Variants in COL28A1 observed in about 807,000 individuals in gnomAD.
COL28A1 encodes the protein collagen alpha-1(XXVIII) chain.
Under a neutral mutation model 150.2 loss-of-function variants are expected in COL28A1, and 161 were observed. The ratio of observed to expected loss-of-function variants is 1.07; its 90% CI spans 0.94 to 1.22. The LOEUF (loss-of-function observed/expected upper bound fraction) is 1.22. Among genes scored for constraint, COL28A1 ranks in the 50% most tolerant of loss-of-function variants. The pLI is 0.00. For synonymous variants in COL28A1, 552 were observed against 469.7 expected (o/e 1.18, Z -2.26); for missense variants, 1,617 against 1,388.3 (o/e 1.16, Z -2.62).
chr7:7,365,002 C>T (rs1780860325), intron 33 of COL28A1, among the ~76,000 whole-genome samples: 4 of 151,838 alleles, frequency 2.6e-5, no homozygotes, highest in Admixed American at 2.6e-4. Flanking sequence ...ACTTTAACGT[C>T]ATCATTTTTC....
intron 27 of COL28A1, among the ~76,000 whole-genome samples, chr7:7,409,254 A>T (rs1783654080): frequency 6.6e-6 from 1 of 152,174 alleles, no homozygotes. Flanking sequence ...AATTTTCAAC[A>T]ATGAAATTCA....
chr7:7,443,731 T>C (rs1785999721), intron 19 of COL28A1, 78 bp from the exon 20 acceptor site: 1 of 1,576,532 alleles, frequency 6.3e-7, no homozygotes, highest in Non-Finnish European at 8.6e-7. Context: ...TGTCTCCTTT[T>C]ATCATTAGTG....
chr7:7,480,286 C>A (rs1002624065), intron 13 of COL28A1, among the ~76,000 whole-genome samples: 1 of 152,118 alleles, frequency 6.6e-6, no homozygotes, highest in South Asian at 2.1e-4. Context: ...TTTATGCATA[C>A]TGATTTTGTA....
At chr7:7,426,056 A>G (rs1784629556) in intron 25 of COL28A1, among the ~76,000 whole-genome samples, 1 of 152,192 alleles carries the variant, frequency 6.6e-6, no homozygotes, top group African/African-American at 2.4e-5. Flanking sequence ...GAAGCAAGAT[A>G]TACTTGTTCC....
intron 27 of COL28A1, among the ~76,000 whole-genome samples, chr7:7,400,975 G>GTGT (rs1783145948): frequency 1.0e-4 from 12 of 119,074 alleles, no homozygotes; most frequent in African/African-American, 3.0e-4. Flanking sequence ...TGGGTATTTG[G>GTGT]GTGTGTGTGT....
chr7:7,411,263 T>C (rs1783776460), intron 27 of COL28A1, among the ~76,000 whole-genome samples: 2 of 152,192 alleles, frequency 1.3e-5, no homozygotes, highest in African/African-American at 4.8e-5. Context: ...ATGACATTAA[T>C]CTTAAGCACA....
chr7:7,475,021 T>G (rs1298457487), intron 14 of COL28A1, among the ~76,000 whole-genome samples: 1 of 152,202 alleles, frequency 6.6e-6, no homozygotes, highest in African/African-American at 2.4e-5. Context: ...TTTTCCTTAA[T>G]ATTGCTGAAA....
At chr7:7,353,985 T>C (rs1367575166), downstream of COL28A1, among the ~76,000 whole-genome samples, 1 of 151,992 alleles carries the variant, frequency 6.6e-6, no homozygotes, top group Admixed American at 6.6e-5. Flanking sequence ...CTCATACCCA[T>C]TTTCATGCGG....
downstream of COL28A1, among the ~76,000 whole-genome samples, chr7:7,355,436 C>T (rs1780324185): frequency 2.6e-5 from 4 of 152,076 alleles, 1 homozygote; most frequent in South Asian, 8.3e-4. Flanking sequence ...ATGGCAAAAC[C>T]CCACTCCTAC....
intron 15 of COL28A1, 47 bp from the exon 16 acceptor site, chr7:7,456,159 A>G (rs769122774): frequency 1.9e-6 from 3 of 1,587,488 alleles, no homozygotes; most frequent in Non-Finnish European, 2.6e-6. Context: ...ATAAAATCTT[A>G]TTATTTCATA....
At chr7:7,513,723 G>C in intron 8 of COL28A1, among the ~76,000 whole-genome samples, 1 of 152,150 alleles carries the variant, frequency 6.6e-6, no homozygotes, top group East Asian at 1.9e-4. Flanking sequence ...AATGCTTTTG[G>C]CTACAATTCA....
intron 31 of COL28A1, 134 bp downstream of exon 31, chr7:7,375,327 C>A (rs369065692): frequency 2.6e-6 from 2 of 764,086 alleles, no homozygotes; most frequent in Non-Finnish European, 3.8e-6. Flanking sequence ...CAGTTTCCAT[C>A]GACTTTTCAA....
rs73047832 is a variant in COL28A1 at position 7,387,042 on chromosome 7, G to A, written c.2137-5430C>T. ...TTATAAGGGTGCTAATCCCATTCCT[G>A]AGGACAGAGGTGACCTAATCACCAC... On this transcript the variant is annotated intron_variant, in intron 27 of 34. Transcript: ENST00000399429. 5.5e-3 allele frequency among the ~76,000 whole-genome samples: 832 copies of A among 152,260 alleles called. 4 individuals are homozygous for A. The highest frequency in any genetic ancestry group is 8.8e-3 in the Admixed American group (134 of 15,284).
At chr7:7,480,225 T>A (rs1789277672) in intron 13 of COL28A1, among the ~76,000 whole-genome samples, 1 of 152,232 alleles carries the variant, frequency 6.6e-6, no homozygotes, top group South Asian at 2.1e-4. Context: ...GTGTTTAATT[T>A]TTTTGTCTTT....
chr7:7,400,054 C>T (rs1435430852), intron 27 of COL28A1, among the ~76,000 whole-genome samples: 1 of 152,248 alleles, frequency 6.6e-6, no homozygotes, highest in African/African-American at 2.4e-5. Flanking sequence ...TTTCAGATTA[C>T]TCTTCTCTTT....
intron 15 of COL28A1, among the ~76,000 whole-genome samples, chr7:7,466,491 GA>G (rs900096521): frequency 4.1e-5 from 4 of 98,706 alleles, no homozygotes; most frequent in Admixed American, 2.9e-4. Context: ...TGGTGTACCT[GA>G]AAGTGATGTG....
chr7:7,445,944 C>T (rs948143343), intron 18 of COL28A1, among the ~76,000 whole-genome samples: 6 of 151,756 alleles, frequency 4.0e-5, no homozygotes, highest in Non-Finnish European at 5.9e-5. Context: ...CCGCTACCTC[C>T]GCCTCCCGGG....
chr7:7,489,007 G>C (rs867427339), intron 13 of COL28A1, among the ~76,000 whole-genome samples: 1 of 152,238 alleles, frequency 6.6e-6, no homozygotes, highest in East Asian at 1.9e-4. Context: ...TTTGTTGCTC[G>C]TAAAGATGCA....
chr7:7,434,573 C>T (rs938149421), intron 23 of COL28A1, among the ~76,000 whole-genome samples: 1 of 152,180 alleles, frequency 6.6e-6, no homozygotes. Context: ...AAATTGTCAG[C>T]AGCTGCTCTT....
Sources: allele counts gnomAD v4.1 joint callset (sites outside exome capture counted in the v4.1 genomes callset), GRCh38; gene constraint gnomAD v4.1.1; transcripts MANE v1.5; gene names NCBI Gene and HGNC (gene_info 2026-07-23, HGNC 2026-07-21).